The following NCEH1 variants were observed in gnomAD, a reference collection of about 807,000 sequenced individuals.
The protein encoded by NCEH1 is 2-acetyl MAGE hydrolase.
A neutral mutation model predicts 25.4 loss-of-function variants in NCEH1; 9 were observed. The ratio of observed to expected loss-of-function variants is 0.35; its 90% CI spans 0.21 to 0.62. The LOEUF (loss-of-function observed/expected upper bound fraction) is 0.62, where lower values mean the gene tolerates loss of function less well. Among genes scored for constraint, NCEH1 ranks in the 20% least tolerant of loss-of-function variants. The probability of loss-of-function intolerance (pLI) is 0.72; values close to 1 mark genes in which losing one functional copy is unlikely to be tolerated. For missense variants in NCEH1, 412 were observed against 501.1 expected (o/e 0.82, Z 1.70); for synonymous variants, 200 against 199.8 (o/e 1.00, Z -0.01).
At chr3:172,652,045 C>A (rs1203758292) in intron 1 of NCEH1, among the ~76,000 whole-genome samples, 1 of 152,126 alleles carries the variant, frequency 6.6e-6, no homozygotes, top group Non-Finnish European at 1.5e-5. Flanking sequence ...GGTACAAAAA[C>A]TCCCAGATAG....
At chr3:172,671,506 T>TACACATACAC (rs1553834577) in intron 1 of NCEH1, among the ~76,000 whole-genome samples, 1 of 143,166 alleles carries the variant, frequency 7.0e-6, no homozygotes, top group East Asian at 2.0e-4. Context: ...CACATACACA[T>TACACATACAC]ACACACACAC....
chr3:172,698,834 C>T (rs556077455), intron 1 of NCEH1, among the ~76,000 whole-genome samples: 1 of 152,220 alleles, frequency 6.6e-6, no homozygotes, highest in Non-Finnish European at 1.5e-5. Context: ...CATTCAGAGT[C>T]AGAAGCACGT....
At chr3:172,653,733 C>G (rs57336505) in intron 1 of NCEH1, among the ~76,000 whole-genome samples, 2 of 89,618 alleles carry the variant, frequency 2.2e-5, no homozygotes, top group African/African-American at 4.6e-5. Context: ...TGTTGTTGTT[C>G]TGTTTTTTTT....
chr3:172,677,333 T>C (rs1273319872), intron 1 of NCEH1, among the ~76,000 whole-genome samples: 1 of 152,216 alleles, frequency 6.6e-6, no homozygotes, highest in Non-Finnish European at 1.5e-5. Context: ...GAATGATGTT[T>C]ATAGACATCT....
chr3:172,643,031 C>T (rs1356745543), intron 3 of NCEH1, among the ~76,000 whole-genome samples: 5 of 152,098 alleles, frequency 3.3e-5, no homozygotes, highest in Non-Finnish European at 2.9e-5. Context: ...CTCCGCCTCC[C>T]GGGTTCAAGT....
chr3:172,658,974 GTGCTGACGTT>G lies in NCEH1; in HGVS notation c.139-10870_139-10861del, dbSNP rs1717839371. Among the ~76,000 whole-genome samples, 3 of 149,964 alleles carry G rather than the reference GTGCTGACGTT, an allele frequency of 2.0e-5. No individual in the cohort carries two copies. In the Admixed American group the frequency reaches 2.0e-4, roughly 10 times the overall value. Reference sequence around the variant, plus strand: ...ATATGTCAAGGGCAGTAGCTCACGTGTGCTGACGTTTGCTCTCTGCTAGTCACTGTTCTCA... The same window carrying G: ...ATATGTCAAGGGCAGTAGCTCACGTGTGCTCTCTGCTAGTCACTGTTCTCA... On this transcript the variant is annotated intron_variant, in intron 1 of 4. Coordinates refer to ENST00000475381, the MANE Select transcript of NCEH1 (RefSeq NM_020792.6).
rs1716351711 is a variant in NCEH1 at position 172,631,491 on chromosome 3, A to G, written c.*1984T>C. On this transcript the variant is annotated 3_prime_UTR_variant, in exon 5 of 5. Coordinates refer to ENST00000475381, the MANE Select transcript of NCEH1 (RefSeq NM_020792.6). The stretch of plus-strand genomic sequence containing the variant: ...TAAGGAGAGGCCAATATAATTTGCC[A>G]GTCTGACAAGACAGTTGGTATTATA... 6.6e-6 allele frequency: 1 copy of G among 152,628 alleles called. No individual in the cohort carries two copies. The highest frequency in any genetic ancestry group is 2.1e-4 in the South Asian group (1 of 4,830). The allele number at this position is 152,628 out of a possible 1,614,324, so 9.5% of individuals were successfully genotyped here.
intron 1 of NCEH1, among the ~76,000 whole-genome samples, chr3:172,665,498 A>G (rs1212681900): frequency 6.6e-6 from 1 of 152,190 alleles, no homozygotes; most frequent in Admixed American, 6.5e-5. Context: ...TGCTGGGACA[A>G]CCACTACTCT....
chr3:172,647,933 C>T lies in NCEH1; in HGVS notation c.320G>A (p.Arg107His), dbSNP rs780724372. Residue 107 changes from arginine (R) to histidine (H), a missense_variant, in exon 2 of 5, where the codon CGC (arginine) becomes CAC (histidine). By Grantham distance (29) the Arg-to-His change is conservative. Around this residue, in one of 3 missense-constraint regions of NCEH1, gnomAD observed 178 missense variants for 189.2 expected, o/e 0.94. Coordinates refer to ENST00000475381, the MANE Select transcript of NCEH1 (RefSeq NM_020792.6). ...GPPKPEEPLK[R>H]SVVYIHGGGW... ...TCCTCCGTGGATATAAACGACGCTGCGTTTCAGTGGCTCTTCGGGCTTCGG... is the reference window on the plus strand; with the variant it reads ...TCCTCCGTGGATATAAACGACGCTGTGTTTCAGTGGCTCTTCGGGCTTCGG... 4 of 1,614,190 alleles carry T rather than the reference C, an allele frequency of 2.5e-6. No homozygotes were observed. Among genetic ancestry groups the T allele is most frequent in the Non-Finnish European group, 3.4e-6 (4 of 1,180,028 alleles).
chr3:172,636,593 T>G (rs1320044447), intron 3 of NCEH1, among the ~76,000 whole-genome samples: 1 of 152,218 alleles, frequency 6.6e-6, no homozygotes, highest in Non-Finnish European at 1.5e-5. Flanking sequence ...CATATTAGCC[T>G]GACATTAAAC....
At chr3:172,706,643 C>T (rs914581380) in intron 1 of NCEH1, among the ~76,000 whole-genome samples, 2 of 151,712 alleles carry the variant, frequency 1.3e-5, no homozygotes, top group African/African-American at 4.8e-5. Flanking sequence ...GAATTACAGG[C>T]GCGCACCACT....
At chr3:172,659,247 T>C (rs888328878) in intron 1 of NCEH1, among the ~76,000 whole-genome samples, 1 of 152,132 alleles carries the variant, frequency 6.6e-6, no homozygotes, top group African/African-American at 2.4e-5. Context: ...CTTTGAAAGA[T>C]AATTTGGCTG....
chr3:172,686,928 T>C (rs1173592666), intron 1 of NCEH1, among the ~76,000 whole-genome samples: 3 of 152,158 alleles, frequency 2.0e-5, no homozygotes. Context: ...GACTAACATG[T>C]AGGAGTTTTA....
At chr3:172,644,183 G>GGTGACTCTAGGGCTTTTGA (rs71179997) in intron 3 of NCEH1, among the ~76,000 whole-genome samples, 28,072 of 88,376 alleles carry the variant, frequency 0.32, 4,772 homozygotes, top group Admixed American at 0.39. Flanking sequence ...AGGGCTTTGG[G>GGTGACTCTAGGGCTTTTGA]GTGACTCTAG....
chr3:172,650,305 C>T (rs933550771), intron 1 of NCEH1, among the ~76,000 whole-genome samples: 1 of 152,008 alleles, frequency 6.6e-6, no homozygotes, highest in Admixed American at 6.6e-5. Flanking sequence ...GAGCTAGAGA[C>T]CAGCCTGGCC....
chr3:172,679,130 AAGG>A (rs1210888326), intron 1 of NCEH1, among the ~76,000 whole-genome samples: 1 of 152,286 alleles, frequency 6.6e-6, no homozygotes, highest in East Asian at 1.9e-4. Context: ...AGAACAAAGG[AAGG>A]AGGAAGGAAG....
chr3:172,636,081 C>A lies in NCEH1; in HGVS notation c.444G>T (p.Arg148Ser). ...CAGGAAAATAAACCTTTGGAACTAG[C>A]CTGTATCTGTAAAAACAAAAGTTGT... ...LNAVIVSIEY[R>S]LVPKVYFPEQ... The change falls in exon 4 of 5, where the codon AGG (arginine) becomes AGT (serine). Residue 148 changes from arginine (R) to serine (S), a missense_variant. Around this residue, in one of 3 missense-constraint regions of NCEH1, gnomAD observed 178 missense variants for 189.2 expected, o/e 0.94. Coordinates refer to ENST00000475381, the MANE Select transcript of NCEH1 (RefSeq NM_020792.6). 6.2e-7 allele frequency: 1 copy of A among 1,611,408 alleles called. No homozygotes were observed. Among genetic ancestry groups the A allele is most frequent in the South Asian group, 1.1e-5 (1 of 90,626 alleles).
At chr3:172,705,298 A>T (rs1397796083) in intron 1 of NCEH1, among the ~76,000 whole-genome samples, 1 of 152,096 alleles carries the variant, frequency 6.6e-6, no homozygotes, top group Non-Finnish European at 1.5e-5. Flanking sequence ...TAACCTAAGC[A>T]CATTCTGAGA....
intron 1 of NCEH1, among the ~76,000 whole-genome samples, chr3:172,676,750 G>T (rs910738512): frequency 1.3e-5 from 2 of 152,122 alleles, no homozygotes; most frequent in Non-Finnish European, 2.9e-5. Flanking sequence ...GGACCCTGGT[G>T]TTCCTTCAGT....
Sources: gnomAD v4.1 joint callset for allele counts (sites outside exome capture counted in the v4.1 genomes callset) on GRCh38, gnomAD v4.1.1 for gene constraint, gnomAD v4.1.1 regional missense constraint, MANE v1.5 for transcripts, NCBI Gene and HGNC (gene_info 2026-07-23, HGNC 2026-07-21) for gene names.